The following NRG2 variants were observed in gnomAD, a reference collection of about 807,000 sequenced individuals.
NRG2 encodes the protein pro-neuregulin-2, membrane-bound isoform.
NRG2 carries 27 observed loss-of-function variants against 73.9 expected under a neutral mutation model. That is an observed-to-expected ratio of 0.37 (90% confidence interval 0.27 to 0.50). NRG2 has a LOEUF of 0.50. NRG2 is among the 20% of genes least tolerant of loss of function. The probability of loss-of-function intolerance (pLI) is 0.96; values close to 1 mark genes in which losing one functional copy is unlikely to be tolerated. For synonymous variants in NRG2, 532 were observed against 541.0 expected (o/e 0.98, Z 0.23); for missense variants, 1,126 against 1,210.1 (o/e 0.93, Z 1.03).
At chr5:139,877,583 G>T (rs753610480) in intron 3 of NRG2, among the ~76,000 whole-genome samples, 4 of 152,252 alleles carry the variant, frequency 2.6e-5, no homozygotes, top group Non-Finnish European at 5.9e-5. Context: ...CCCAGCAGGG[G>T]CCTCCTGGTC....
At chr5:139,919,302 T>C (rs901723589) in intron 1 of NRG2, among the ~76,000 whole-genome samples, 1 of 152,004 alleles carries the variant, frequency 6.6e-6, no homozygotes, top group Non-Finnish European at 1.5e-5. Context: ...GTTTAGCTTG[T>C]ATGCATCAGC....
intron 1 of NRG2, among the ~76,000 whole-genome samples, chr5:140,001,952 G>A (rs1381245659): frequency 6.6e-6 from 1 of 152,140 alleles, no homozygotes; most frequent in Non-Finnish European, 1.5e-5. Context: ...GAAGGCTAAG[G>A]TGGGAGGGTT....
intron 1 of NRG2, among the ~76,000 whole-genome samples, chr5:139,944,826 CCCATACTGTTTT>C (rs1222789335): frequency 6.6e-6 from 1 of 152,062 alleles, no homozygotes; most frequent in Non-Finnish European, 1.5e-5. Context: ...CTGAGAGACC[CCCATACTGTTTT>C]CCATAGTGGC....
chr5:140,001,665 C>A (rs1179159635), intron 1 of NRG2, among the ~76,000 whole-genome samples: 2 of 150,128 alleles, frequency 1.3e-5, no homozygotes, highest in Non-Finnish European at 3.0e-5. Flanking sequence ...AGTTCAAGAC[C>A]AGCCTGGGAA....
intron 1 of NRG2, among the ~76,000 whole-genome samples, chr5:139,995,198 G>C (rs1310863743): frequency 1.3e-5 from 2 of 152,182 alleles, no homozygotes; most frequent in African/African-American, 4.8e-5. Flanking sequence ...ACAGAGTCTA[G>C]ACCAAATAGG....
intron 1 of NRG2, among the ~76,000 whole-genome samples, chr5:140,035,636 G>A (rs1761450564): frequency 6.6e-6 from 1 of 152,206 alleles, no homozygotes; most frequent in African/African-American, 2.4e-5. Flanking sequence ...TGGACCAGAT[G>A]TTTAGCCATT....
At chr5:139,991,275 CA>C (rs1162301634) in intron 1 of NRG2, among the ~76,000 whole-genome samples, 24 of 148,058 alleles carry the variant, frequency 1.6e-4, no homozygotes, top group Admixed American at 1.5e-3. Flanking sequence ...GACTCCATCT[CA>C]AAAAAAAACA....
chr5:139,892,412 A>G (rs1469878142), intron 1 of NRG2, among the ~76,000 whole-genome samples: 1 of 151,864 alleles, frequency 6.6e-6, no homozygotes, highest in African/African-American at 2.4e-5. Flanking sequence ...TCCTTTCTCT[A>G]TGCATCCTCT....
intron 1 of NRG2, among the ~76,000 whole-genome samples, chr5:140,031,168 G>T (rs1761114999): frequency 6.6e-6 from 1 of 152,176 alleles, no homozygotes; most frequent in Non-Finnish European, 1.5e-5. Flanking sequence ...AAATTTTCCT[G>T]ATTCTTGACA....
At chr5:139,947,242 C>T (rs1753861956) in intron 1 of NRG2, among the ~76,000 whole-genome samples, 1 of 152,166 alleles carries the variant, frequency 6.6e-6, no homozygotes, top group South Asian at 2.1e-4. Context: ...TGGCCTCCTA[C>T]AACTCCCCAG....
chr5:139,952,045 G>A (rs554341004), intron 1 of NRG2, among the ~76,000 whole-genome samples: 2 of 152,236 alleles, frequency 1.3e-5, no homozygotes, highest in African/African-American at 4.8e-5. Flanking sequence ...CCATGGGCAA[G>A]GGATTTAACC....
At chr5:139,902,479 C>T (rs1764949708) in intron 1 of NRG2, among the ~76,000 whole-genome samples, 1 of 152,128 alleles carries the variant, frequency 6.6e-6, no homozygotes, top group African/African-American at 2.4e-5. Flanking sequence ...TTCTCTCTCC[C>T]CTCCTTTCTC....
rs147785468 is a variant in NRG2, at chr5:139,920,724, C to T, written c.701-33213G>A. ...AAGAAGGGGGCATCTGGAGTGGAGA[C>T]TGAGGGTAGGGAAGGCAGAATACTC... On this transcript the variant is annotated intron_variant, in intron 1 of 9. Transcript: ENST00000361474. Among the ~76,000 whole-genome samples the T allele has an allele frequency of 4.2e-3, 637 of 152,102 alleles. 3 individuals are homozygous for T. The highest frequency in any genetic ancestry group is 0.015 in the African/African-American group (625 of 41,484).
At chr5:139,989,775 T>TATC (rs1003124057) in intron 1 of NRG2, among the ~76,000 whole-genome samples, 1 of 149,568 alleles carries the variant, frequency 6.7e-6, no homozygotes, top group Non-Finnish European at 1.5e-5. Context: ...TTATTATTAT[T>TATC]ATTTATTTTA....
intron 1 of NRG2, among the ~76,000 whole-genome samples, chr5:139,913,473 C>T (rs1464951268): frequency 6.6e-6 from 1 of 152,226 alleles, no homozygotes; most frequent in Non-Finnish European, 1.5e-5. Context: ...ACAATTTCCC[C>T]CTAAATTATT....
rs34122778 is a variant in NRG2, at chr5:140,029,687, C to CAAAAAAAAAAAAAAAAAAAAAAA, written c.700+12682_700+12683insTTTTTTTTTTTTTTTTTTTTTTT. 9.2e-3 allele frequency among the ~76,000 whole-genome samples: 563 copies of CAAAAAAAAAAAAAAAAAAAAAAA among 61,110 alleles called. 32 individuals carry two copies. Among genetic ancestry groups the CAAAAAAAAAAAAAAAAAAAAAAA allele is most frequent in the Non-Finnish European group, 0.013 (375 of 27,858 alleles). The allele number at this position is 61,110 out of a possible 152,430, so 40.1% of individuals were successfully genotyped here. A position where few individuals can be genotyped will look rare whatever the true frequency, so the allele number is the denominator to read the frequency against. ...TGGGTGACAGAGCAAGACTCTGTCT[C>CAAAAAAAAAAAAAAAAAAAAAAA]AAAAAAAAAAAAAAAAGCTCCAGCG... On this transcript the variant is annotated intron_variant, in intron 1 of 9. Transcript: ENST00000361474.
rs923996050 is a variant in NRG2, at chr5:139,954,680, G to T, written c.701-67169C>A. 6.6e-6 allele frequency among the ~76,000 whole-genome samples: 1 copy of T among 152,172 alleles called. No individual in the cohort carries two copies. The highest frequency in any genetic ancestry group is 1.9e-4 in the East Asian group (1 of 5,190). On this transcript the variant is annotated intron_variant, in intron 1 of 9. Coordinates refer to ENST00000361474, the MANE Select transcript of NRG2 (RefSeq NM_004883.3). This position sits in a 1 kb window ranked among gnomAD's most constrained non-coding sequence, Gnocchi z 5.0. ...CCGCAGAGGCCCCTGCGCGTATCCC[G>T]CCAAGTTCCTCTCTCTTTGCTCATG...
intron 1 of NRG2, among the ~76,000 whole-genome samples, chr5:140,017,730 C>G (rs111943636): frequency 3.9e-4 from 59 of 152,040 alleles, no homozygotes; most frequent in Non-Finnish European, 7.1e-4. Context: ...ACAAGAGGTA[C>G]GGGCTGTTCT....
At chr5:140,011,929 G>C (rs1346848177) in intron 1 of NRG2, among the ~76,000 whole-genome samples, 1 of 152,066 alleles carries the variant, frequency 6.6e-6, no homozygotes, top group Non-Finnish European at 1.5e-5. Flanking sequence ...TTCTCCCCTA[G>C]TCCATCTATA....
Sources: allele counts gnomAD v4.1 joint callset (sites outside exome capture counted in the v4.1 genomes callset), GRCh38; gene constraint gnomAD v4.1.1; non-coding constraint Gnocchi (gnomAD v3.1); transcripts MANE v1.5; gene names NCBI Gene and HGNC (gene_info 2026-07-23, HGNC 2026-07-21).